The following AKAP6 variants were observed in gnomAD, a reference collection of about 807,000 sequenced individuals.
AKAP6 encodes the protein A-kinase anchor protein 6.
Under a neutral mutation model 188.5 loss-of-function variants are expected in AKAP6, and 58 were observed. The observed-to-expected ratio is 0.31, with a 90% confidence interval of 0.25 to 0.38. The LOEUF (loss-of-function observed/expected upper bound fraction) is 0.38. Among genes scored for constraint, AKAP6 ranks in the 10% least tolerant of loss-of-function variants. The probability of loss-of-function intolerance (pLI) is 1.00; values close to 1 mark genes in which losing one functional copy is unlikely to be tolerated. For missense variants in AKAP6, 2,710 were observed against 2,740.0 expected (o/e 0.99, Z 0.24); for synonymous variants, 989 against 998.6 (o/e 0.99, Z 0.18).
intron 2 of AKAP6, among the ~76,000 whole-genome samples, chr14:32,447,533 A>G (rs1890795954): frequency 6.6e-6 from 1 of 152,224 alleles, no homozygotes; most frequent in Non-Finnish European, 1.5e-5. Context: ...CCTGGAATTA[A>G]CCCAGAGCAA....
chr14:32,712,134 T>C (rs932842009), intron 9 of AKAP6, among the ~76,000 whole-genome samples: 4 of 152,002 alleles, frequency 2.6e-5, no homozygotes, highest in African/African-American at 9.7e-5. Context: ...GCAAATATCA[T>C]AATAAAGCAA....
intron 1 of AKAP6, among the ~76,000 whole-genome samples, chr14:32,431,671 C>T (rs1410483271): frequency 6.6e-6 from 1 of 152,096 alleles, no homozygotes; most frequent in African/African-American, 2.4e-5. Flanking sequence ...TGCCACTACA[C>T]CCGGCTAATT....
intron 12 of AKAP6, among the ~76,000 whole-genome samples, chr14:32,792,884 A>G (rs540169457): frequency 6.6e-6 from 1 of 151,698 alleles, no homozygotes; most frequent in South Asian, 2.1e-4. Flanking sequence ...CATGTGGCTT[A>G]ATAAAAGAAT....
chr14:32,633,802 A>G (rs962357398), intron 7 of AKAP6, among the ~76,000 whole-genome samples: 1 of 152,208 alleles, frequency 6.6e-6, no homozygotes, highest in African/African-American at 2.4e-5. Context: ...ACCAAATACA[A>G]TAACCAAAGG....
chr14:32,420,538 T>A (rs1370221989), intron 1 of AKAP6, among the ~76,000 whole-genome samples: 1 of 152,186 alleles, frequency 6.6e-6, no homozygotes, highest in Non-Finnish European at 1.5e-5. Context: ...TCCAACAACT[T>A]TTGGTTTCTC....
intron 11 of AKAP6, among the ~76,000 whole-genome samples, chr14:32,744,474 A>G (rs1259373733): frequency 5.9e-5 from 9 of 151,438 alleles, no homozygotes; most frequent in East Asian, 5.9e-4. Context: ...CCGCCACCAC[A>G]CCCAGCCAAT....
chr14:32,478,477 A>G (rs1025590596), intron 2 of AKAP6, among the ~76,000 whole-genome samples: 5 of 152,360 alleles, frequency 3.3e-5, no homozygotes, highest in African/African-American at 1.2e-4. Flanking sequence ...ACAAGGATCA[A>G]AGATGGGCTA....
At chr14:32,487,841 G>T (rs946121773) in intron 2 of AKAP6, among the ~76,000 whole-genome samples, 1 of 152,174 alleles carries the variant, frequency 6.6e-6, no homozygotes, top group East Asian at 1.9e-4. Context: ...AGGTCCACTC[G>T]AGACCCTGTT....
intron 7 of AKAP6, among the ~76,000 whole-genome samples, chr14:32,615,534 A>G (rs115739646): frequency 0.014 from 2,138 of 150,108 alleles, 65 homozygotes; most frequent in African/African-American, 0.05. Flanking sequence ...ATATTTCTCT[A>G]CCTATTGAAT....
intron 1 of AKAP6, among the ~76,000 whole-genome samples, chr14:32,355,047 ACATCCT>A (rs1366079054): frequency 1.3e-5 from 2 of 152,156 alleles, no homozygotes; most frequent in Non-Finnish European, 2.9e-5. Flanking sequence ...GTTCTCCTGG[ACATCCT>A]CATTTCCTGT....
chr14:32,502,563 G>A (rs531144985), intron 2 of AKAP6, among the ~76,000 whole-genome samples: 2 of 152,216 alleles, frequency 1.3e-5, no homozygotes, highest in Non-Finnish European at 2.9e-5. Context: ...CAGAGAGCTG[G>A]CCTTTCTAAC....
At chr14:32,343,231 A>ATACCTTCCTTGTCAAGGAAGTAT (rs1555318977) in intron 1 of AKAP6, among the ~76,000 whole-genome samples, 22,445 of 150,948 alleles carry the variant, frequency 0.15, 1,905 homozygotes, top group African/African-American at 0.23. Context: ...CTTGTCAAGT[A>ATACCTTCCTTGTCAAGGAAGTAT]TACCTTCCTT....
At position 32,822,549 on chromosome 14, in the gene AKAP6, G is replaced by T. The variant is rs754499404; in HGVS notation, c.4736G>T (p.Gly1579Val). Reference protein sequence around the residue: ...ESLSPGGDLFGLGIFKNGSDS... With the variant: ...ESLSPGGDLFVLGIFKNGSDS... ...CTTTCTCCAGGGGGTGATTTATTTG[G>T]ATTGGGCATCTTTAAAAATGGCAGT... is the stretch of plus-strand genomic sequence containing the variant. The change falls in exon 13 of 14, where the codon GGA (glycine) becomes GTA (valine). Residue 1579 changes from glycine to valine, a missense_variant. Around this residue, in one of 2 missense-constraint regions of AKAP6, gnomAD observed 2,473 missense variants for 2,426.1 expected, o/e 1.02. Coordinates refer to ENST00000280979, the MANE Select transcript of AKAP6 (RefSeq NM_004274.5). 6.2e-7 allele frequency: 1 copy of T among 1,613,874 alleles called. No individual in the cohort carries two copies. Among genetic ancestry groups the T allele is most frequent in the Non-Finnish European group, 8.5e-7 (1 of 1,179,954 alleles).
rs927542351 is a variant in AKAP6, at chr14:32,832,736, C to G, written c.*2931C>G. The G allele has an allele frequency of 2.6e-5, 4 of 152,570 alleles. No homozygotes were observed. Among genetic ancestry groups the G allele is most frequent in the Non-Finnish European group, 5.9e-5 (4 of 68,030 alleles). The allele number at this position is 152,570 out of a possible 1,614,324, so 9.5% of individuals were successfully genotyped here. ...TAGGTTGCTAAAATCTGCCTAGTAC[C>G]CCGCTACCCTGTTCTGTCTTATGGA... On this transcript the variant is annotated 3_prime_UTR_variant, in exon 14 of 14. Transcript: ENST00000280979.
At chr14:32,687,396 AACTATCTCTCTC>A (rs1443687514) in intron 8 of AKAP6, among the ~76,000 whole-genome samples, 7 of 116,436 alleles carry the variant, frequency 6.0e-5, no homozygotes, top group South Asian at 3.0e-4. Context: ...CTGTCATACT[AACTATCTCTCTC>A]TCTCTCTCTC....
intron 11 of AKAP6, among the ~76,000 whole-genome samples, chr14:32,755,761 G>A (rs747818797): frequency 4.6e-5 from 7 of 152,194 alleles, no homozygotes; most frequent in Admixed American, 6.5e-5. Context: ...TCCTGGGCTC[G>A]AGTGATTCTC....
intron 9 of AKAP6, among the ~76,000 whole-genome samples, chr14:32,710,152 T>TA (rs1349090064): frequency 6.8e-6 from 1 of 147,528 alleles, no homozygotes; most frequent in Non-Finnish European, 1.5e-5. Flanking sequence ...TATATGCCTT[T>TA]AAAAAAATTT....
At chr14:32,792,225 T>A (rs2033632918) in intron 12 of AKAP6, among the ~76,000 whole-genome samples, 1 of 152,212 alleles carries the variant, frequency 6.6e-6, no homozygotes, top group African/African-American at 2.4e-5. Flanking sequence ...ACGGCCATTT[T>A]CATGATATTG....
At chr14:32,447,523 C>T (rs1042810482) in intron 2 of AKAP6, among the ~76,000 whole-genome samples, 4 of 152,096 alleles carry the variant, frequency 2.6e-5, no homozygotes, top group Non-Finnish European at 5.9e-5. Flanking sequence ...GCAGAATTTT[C>T]CTGGAATTAA....
Sources: gnomAD v4.1 joint callset for allele counts (sites outside exome capture counted in the v4.1 genomes callset) on GRCh38, gnomAD v4.1.1 for gene constraint, gnomAD v4.1.1 regional missense constraint, MANE v1.5 for transcripts, NCBI Gene and HGNC (gene_info 2026-07-23, HGNC 2026-07-21) for gene names.